The following PACS2 variants were observed in gnomAD, a reference collection of about 807,000 sequenced individuals.
PACS2 encodes the protein PACS1-like protein.
PACS2 carries 36 observed loss-of-function variants against 113.0 expected under a neutral mutation model. The ratio of observed to expected loss-of-function variants is 0.32; its 90% CI spans 0.24 to 0.42. The LOEUF is 0.42. Among genes scored for constraint, PACS2 ranks in the 10% least tolerant of loss-of-function variants. PACS2 has a pLI of 1.00. For synonymous variants in PACS2, 589 were observed against 536.1 expected, an observed-to-expected ratio of 1.10 and a Z score of -1.36; for missense variants, 1,015 against 1,239.5, an observed-to-expected ratio of 0.82 and a Z score of 2.72.
Position 105,348,362 on chromosome 14 carries a change from G to T in PACS2, c.120-131G>T, listed in dbSNP as rs587726649. 132 of 638,132 alleles carry T rather than the reference G, an allele frequency of 2.1e-4. 1 individual carries two copies. The East Asian group carries it at 2.8e-3, about 14-fold the overall frequency. The allele number at this position is 638,132 out of a possible 1,614,324, so 39.5% of individuals were successfully genotyped here. On this transcript the variant is annotated intron_variant, in intron 1 of 24. Coordinates refer to ENST00000447393, the MANE Select transcript of PACS2 (RefSeq NM_001100913.3). This position sits in a 1 kb window ranked among gnomAD's most constrained non-coding sequence, Gnocchi z 6.4. ...TGGAGCCCTGTGAGGTCCTGGGGCC[G>T]CCCAGGCAGTCACACCCCGCCCTGC...
Position 105,394,852 on chromosome 14 carries a change from C to A in PACS2, c.*180C>A. 1.7e-6 allele frequency: 1 copy of A among 600,164 alleles called. No individual in the cohort carries two copies. The allele number at this position is 600,164 out of a possible 1,614,324, so 37.2% of individuals were successfully genotyped here. ...GGAGCTCCTGCCAGGAGCCGAATAA[C>A]TGCTCTGCTTATTAACCCGAACGTT... On this transcript the variant is annotated 3_prime_UTR_variant, in exon 25 of 25. Transcript: ENST00000447393.
intron 8 of PACS2, among the ~76,000 whole-genome samples, chr14:105,373,338 C>T (rs955845909): frequency 3.3e-5 from 5 of 152,342 alleles, no homozygotes; most frequent in Non-Finnish European, 1.5e-5. Context: ...CAGTAGTAAT[C>T]CTGACCATGT....
intron 1 of PACS2, among the ~76,000 whole-genome samples, chr14:105,327,492 C>G (rs2059160926): frequency 6.6e-6 from 1 of 152,156 alleles, no homozygotes. Context: ...CTGCCGTGGT[C>G]CTGTCAAATG....
In PACS2 at chr14:105,381,942, G is replaced by A; in HGVS notation, c.1297G>A (p.Gly433Ser). The A allele has an allele frequency of 6.4e-7, 1 of 1,550,946 alleles. No individual in the cohort carries two copies. Among genetic ancestry groups the A allele is most frequent in the Non-Finnish European group, 8.7e-7 (1 of 1,147,182 alleles). Residue 433 changes from glycine to serine, a missense_variant, in exon 13 of 25, where the codon GGC (glycine) becomes AGC (serine). Gly to Ser is a moderately conservative substitution (Grantham distance 56). This residue lies in a region of PACS2 where 859 missense variants were observed against 1,056.8 expected (regional missense o/e 0.81). Coordinates refer to ENST00000447393, the MANE Select transcript of PACS2 (RefSeq NM_001100913.3). ...RSEGKQAGRR[G>S]RSTSLKERQA... is the part of the protein sequence containing the mutation. Reference sequence around the variant, plus strand: ...CGAGGGGAAGCAGGCTGGCCGACGGGGCCGGAGCACATCCTTGAAGGAGCG... The same window carrying A: ...CGAGGGGAAGCAGGCTGGCCGACGGAGCCGGAGCACATCCTTGAAGGAGCG...
chr14:105,302,958 G>A (rs373634897), intron 1 of PACS2, among the ~76,000 whole-genome samples: 4 of 150,088 alleles, frequency 2.7e-5, no homozygotes, highest in African/African-American at 9.8e-5. Context: ...TTTTTTTTGA[G>A]ATAGAGAACA....
chr14:105,372,222 C>T (rs782307647), intron 8 of PACS2: 10 of 152,382 alleles, frequency 6.6e-5, no homozygotes, highest in African/African-American at 2.4e-4. Context: ...AAGTCTGTTC[C>T]TTACAGCCCT....
chr14:105,310,533 CAAAAAAAAAAA>C (rs764203821), upstream of PACS2, among the ~76,000 whole-genome samples: 1 of 79,742 alleles, frequency 1.3e-5, no homozygotes, highest in Non-Finnish European at 2.3e-5. Flanking sequence ...GACTCTGTCT[CAAAAAAAAAAA>C]AAAAAAAAAA....
intron 15 of PACS2, 91 bp downstream of exon 15, chr14:105,383,004 G>A (rs987847668): frequency 1.1e-4 from 87 of 762,974 alleles, no homozygotes; most frequent in African/African-American, 9.1e-4. Context: ...GGCTAGGTGC[G>A]TCCTGGACCT....
At chr14:105,374,883 C>T (rs150038920) in intron 8 of PACS2, 4 of 152,340 alleles carry the variant, frequency 2.6e-5, no homozygotes, top group East Asian at 3.9e-4. Flanking sequence ...GCTCGTGGAC[C>T]TGCCTGGTCC....
In PACS2 at chr14:105,361,691, G is replaced by A. The variant is rs587631035; in HGVS notation, c.424-5522G>A. Among the ~76,000 whole-genome samples, 26 of 143,710 alleles carry A rather than the reference G, an allele frequency of 1.8e-4. No individual in the cohort carries two copies. In the South Asian group the frequency reaches 4.7e-3, roughly 26 times the overall value. 94.3% of individuals were successfully genotyped at this position (143,710 alleles called of 152,430 possible). A position where few individuals can be genotyped will look rare whatever the true frequency, so the allele number is the denominator to read the frequency against. Reference sequence around the variant, plus strand: ...TGGGCCGGGTGCAATGGCTCACGCCGGTAATCCCAGCACTTTGGGAGGCCA... The same window carrying A: ...TGGGCCGGGTGCAATGGCTCACGCCAGTAATCCCAGCACTTTGGGAGGCCA... On this transcript the variant is annotated intron_variant, in intron 4 of 24. Transcript: ENST00000447393.
chr14:105,359,821 G>C (rs2060608917), intron 4 of PACS2, among the ~76,000 whole-genome samples: 1 of 152,106 alleles, frequency 6.6e-6, no homozygotes, highest in African/African-American at 2.4e-5. Context: ...TCGATCTCCT[G>C]ACCTCGCGAT....
intron 1 of PACS2, among the ~76,000 whole-genome samples, chr14:105,333,346 G>C (rs754075797): frequency 5.3e-5 from 8 of 152,210 alleles, no homozygotes; most frequent in Non-Finnish European, 1.0e-4. Flanking sequence ...CTGGGAAGCT[G>C]CCCCGTTGCA....
chr14:105,318,527 C>T (rs2058753636), intron 1 of PACS2, among the ~76,000 whole-genome samples: 1 of 152,150 alleles, frequency 6.6e-6, no homozygotes, highest in Non-Finnish European at 1.5e-5. Context: ...AATCTCGGCT[C>T]ACTGCAACCT....
chr14:105,369,956 G>A (rs587642948), intron 8 of PACS2, 56 bp downstream of exon 8: 89 of 1,461,952 alleles, frequency 6.1e-5, no homozygotes, highest in Non-Finnish European at 6.8e-5. Context: ...GCACCTGGTC[G>A]GGAGGAGGCC....
intron 1 of PACS2, among the ~76,000 whole-genome samples, chr14:105,337,446 A>G (rs1417532824): frequency 2.6e-5 from 4 of 152,212 alleles, no homozygotes; most frequent in Admixed American, 2.6e-4. Flanking sequence ...TTTACGTTAT[A>G]TTTACCACAA....
chr14:105,391,917 C>A, intron 22 of PACS2, 151 bp downstream of exon 22: 1 of 731,928 alleles, frequency 1.4e-6, no homozygotes. Flanking sequence ...CGGCTGGGTC[C>A]TCTCTGGCCA....
In PACS2 at chr14:105,330,381, G is replaced by A. The variant is rs1217170253; in HGVS notation, c.119+15344G>A. ...GGTCCGTGTGTCCGTAGGAACGGGG[G>A]ACAGGAGGTTGTGAAGGGCGTGTGG... On this transcript the variant is annotated intron_variant, in intron 1 of 24. Coordinates refer to ENST00000447393, the MANE Select transcript of PACS2 (RefSeq NM_001100913.3). The surrounding 1 kb of genome is among the most constrained non-coding windows in gnomAD (Gnocchi z 6.9). Among the ~76,000 whole-genome samples the A allele has an allele frequency of 6.6e-6, 1 of 152,156 alleles. No individual in the cohort carries two copies. The highest frequency in any genetic ancestry group is 1.5e-5 in the Non-Finnish European group (1 of 68,020).
intron 1 of PACS2, among the ~76,000 whole-genome samples, chr14:105,334,928 G>T (rs1214335421): frequency 3.9e-5 from 6 of 152,246 alleles, no homozygotes; most frequent in Admixed American, 3.9e-4. Context: ...CCCCTCCATG[G>T]GGTGGGGTTC....
At chr14:105,334,592 TC>T (rs1317195270) in intron 1 of PACS2, among the ~76,000 whole-genome samples, 1 of 149,596 alleles carries the variant, frequency 6.7e-6, no homozygotes, top group African/African-American at 2.5e-5. Flanking sequence ...TGCGTAGAGC[TC>T]CACCTGAGGC....
Sources: gnomAD v4.1 joint callset for allele counts (sites outside exome capture counted in the v4.1 genomes callset) on GRCh38, gnomAD v4.1.1 for gene constraint, gnomAD v4.1.1 regional missense constraint, Gnocchi (gnomAD v3.1) non-coding constraint, MANE v1.5 for transcripts, NCBI Gene and HGNC (gene_info 2026-07-23, HGNC 2026-07-21) for gene names.